Variants in TGIF2 observed in about 807,000 individuals in gnomAD.
TGIF2 encodes the protein homeobox protein TGIF2.
Under a neutral mutation model 15.1 loss-of-function variants are expected in TGIF2, and 5 were observed. The observed-to-expected ratio is 0.33, with a 90% CI of 0.17 to 0.70. TGIF2 has a LOEUF of 0.70. TGIF2 is among the 30% of genes least tolerant of loss of function. The pLI, the probability that TGIF2 is intolerant of heterozygous loss-of-function variation, is 0.67. For missense variants in TGIF2, 264 were observed against 302.5 expected (o/e 0.87, Z 0.94); for synonymous variants, 131 against 128.9 (o/e 1.02, Z -0.11).
chr20:36,585,606 G>T (rs1478988342), intron 2 of TGIF2, among the ~76,000 whole-genome samples: 1 of 151,678 alleles, frequency 6.6e-6, no homozygotes, highest in African/African-American at 2.4e-5. Context: ...TCTTTTGATT[G>T]TCTCCTTTAA....
At chr20:36,586,028 G>T (rs1418102495) in intron 2 of TGIF2, among the ~76,000 whole-genome samples, 1 of 152,194 alleles carries the variant, frequency 6.6e-6, no homozygotes, top group Non-Finnish European at 1.5e-5. Flanking sequence ...AAGGAACCTG[G>T]TGCAGAGGCT....
chr20:36,578,722 C>A lies in TGIF2; in HGVS notation c.-34-19C>A. ...GTACGTGCTAATGATGTTCCCATCC[C>A]CTGTGTCCCTTGTCCCAGGTTTACC... On this transcript the variant is annotated intron_variant, in intron 1 of 2. Coordinates refer to ENST00000373872, the MANE Select transcript of TGIF2 (RefSeq NM_021809.7). 1 of 1,559,878 alleles carries A rather than the reference C, an allele frequency of 6.4e-7. No homozygotes were observed. Among genetic ancestry groups the A allele is most frequent in the South Asian group, 1.2e-5 (1 of 82,266 alleles).
At chr20:36,583,623 G>A (rs907812057) in intron 2 of TGIF2, among the ~76,000 whole-genome samples, 37 of 150,520 alleles carry the variant, frequency 2.5e-4, no homozygotes, top group Non-Finnish European at 4.3e-4. Flanking sequence ...TAGGCTGGGC[G>A]CAGTGGCTCA....
Position 36,573,635 on chromosome 20 carries a change from G to A in TGIF2, c.-145G>A, listed in dbSNP as rs1311643225. On this transcript the variant is annotated 5_prime_UTR_variant, in exon 1 of 3. Coordinates refer to ENST00000373872, the MANE Select transcript of TGIF2 (RefSeq NM_021809.7). ...CTTTCCAGCCGCGAGCTGTCAGGCCGAGTGTCAGGCCGGGCAGGTACGCGG... is the reference window on the plus strand; with the variant it reads ...CTTTCCAGCCGCGAGCTGTCAGGCCAAGTGTCAGGCCGGGCAGGTACGCGG... The A allele has an allele frequency of 6.6e-6, 1 of 151,436 alleles. No individual in the cohort carries two copies. Among genetic ancestry groups the A allele is most frequent in the Non-Finnish European group, 1.5e-5 (1 of 67,846 alleles). 9.4% of individuals were successfully genotyped at this position (151,436 alleles called of 1,614,324 possible).
Position 36,585,898 on chromosome 20 carries a change from C to A in TGIF2, c.193-5012C>A, listed in dbSNP as rs575615451. Among the ~76,000 whole-genome samples, 83 of 152,266 alleles carry A rather than the reference C, an allele frequency of 5.5e-4. 1 individual carries two copies. The highest frequency in any genetic ancestry group is 1.9e-3 in the African/African-American group (79 of 41,562). ...GGGTATACAGTGGTAGAATGGGTAC[C>A]TTCCCATTACTTCCTGGCTGTCAGG... On this transcript the variant is annotated intron_variant, in intron 2 of 2. Coordinates refer to ENST00000373872, the MANE Select transcript of TGIF2 (RefSeq NM_021809.7).
At chr20:36,578,668 T>C in intron 1 of TGIF2, 73 bp from the exon 2 acceptor site, 2 of 1,463,864 alleles carry the variant, frequency 1.4e-6, no homozygotes, top group East Asian at 2.3e-5. Flanking sequence ...CAAGTAATGC[T>C]GAGCATGTTT....
At position 36,573,666 on chromosome 20, in the gene TGIF2, GC is replaced by G. The variant is rs1371156362; in HGVS notation, c.-109del. 1 of 151,676 alleles carries G rather than the reference GC, an allele frequency of 6.6e-6. No homozygotes were observed. Among genetic ancestry groups the G allele is most frequent in the Non-Finnish European group, 1.5e-5 (1 of 67,902 alleles). 9.4% of individuals were successfully genotyped at this position (151,676 alleles called of 1,614,324 possible). A position where few individuals can be genotyped will look rare whatever the true frequency, so the allele number is the denominator to read the frequency against. On this transcript the variant is annotated 5_prime_UTR_variant, in exon 1 of 3. Transcript: ENST00000373872. ...CAGGCCGGGCAGGTACGCGGCGCGC[GC>G]CCCCGGCGCCCCCCGCTCCCCGCCG...
intron 2 of TGIF2, among the ~76,000 whole-genome samples, chr20:36,583,751 A>G (rs1374296760): frequency 6.6e-6 from 1 of 151,934 alleles, no homozygotes; most frequent in Non-Finnish European, 1.5e-5. Flanking sequence ...ACAAAAATTA[A>G]CCAGGTGTGG....
chr20:36,573,872 C>G (rs2038353093), intron 1 of TGIF2, 127 bp downstream of exon 1: 1 of 150,076 alleles, frequency 6.7e-6, no homozygotes, highest in Admixed American at 6.6e-5. Flanking sequence ...GGTGTGTGAG[C>G]TCGGGGGTGT....
intron 2 of TGIF2, 61 bp downstream of exon 2, chr20:36,579,027 C>G: frequency 6.4e-7 from 1 of 1,561,376 alleles, no homozygotes; most frequent in Admixed American, 1.8e-5. Flanking sequence ...CCTATTCCAG[C>G]TGTGTCACTG....
At chr20:36,588,167 G>A (rs545102005) in intron 2 of TGIF2, among the ~76,000 whole-genome samples, 10 of 151,678 alleles carry the variant, frequency 6.6e-5, no homozygotes, top group Non-Finnish European at 1.2e-4. Context: ...ATGTGTGACT[G>A]GACAAGAGCT....
At position 36,593,558 on chromosome 20, in the gene TGIF2, T is replaced by C. The variant is rs576957273; in HGVS notation, c.*2127T>C. ...CCTCCTGAGGCCCAGTGGGGAAGAA[T>C]GAACATGGCTTCATCCAGGTTAACT... On this transcript the variant is annotated 3_prime_UTR_variant, in exon 3 of 3. Transcript: ENST00000373872. The C allele has an allele frequency of 6.5e-6, 1 of 152,750 alleles. No individual in the cohort carries two copies. The highest frequency in any genetic ancestry group is 1.9e-4 in the East Asian group (1 of 5,184). The allele number at this position is 152,750 out of a possible 1,614,324, so 9.5% of individuals were successfully genotyped here. A position where few individuals can be genotyped will look rare whatever the true frequency, so the allele number is the denominator to read the frequency against.
chr20:36,591,541 A>T lies in TGIF2; in HGVS notation c.*110A>T. The T allele has an allele frequency of 8.0e-7, 1 of 1,255,684 alleles. No homozygotes were observed. 77.8% of individuals were successfully genotyped at this position (1,255,684 alleles called of 1,614,324 possible). A position where few individuals can be genotyped will look rare whatever the true frequency, so the allele number is the denominator to read the frequency against. On this transcript the variant is annotated 3_prime_UTR_variant, in exon 3 of 3. Transcript: ENST00000373872. The surrounding 1 kb of genome is among the most constrained non-coding windows in gnomAD (Gnocchi z 5.3). ...TGGATCACTGCCAAACATTGGGATC[A>T]TCTCCTCTGTCCAGAGGTCTTCAAC... is the stretch of plus-strand genomic sequence containing the variant.
intron 2 of TGIF2, among the ~76,000 whole-genome samples, chr20:36,584,440 T>C (rs921508947): frequency 1.3e-5 from 2 of 151,982 alleles, no homozygotes; most frequent in East Asian, 3.8e-4. Flanking sequence ...GGCTATAAAG[T>C]GGTGGAAGGG....
In TGIF2 at chr20:36,578,850, C is replaced by T. The variant is rs2038485798; in HGVS notation, c.76C>T (p.Pro26Ser). Residue 26 changes from proline (P) to serine (S), a missense_variant, in exon 2 of 3, where the codon CCC becomes TCC. Physicochemically the swap from Pro to Ser is moderately conservative, Grantham distance 74. Transcript: ENST00000373872. Reference sequence around the variant, plus strand: ...CAAAAGGAAGCGCAGGGGGAACCTGCCCAAGGAGTCGGTGAAGATCCTCCG... The same window carrying T: ...CAAAAGGAAGCGCAGGGGGAACCTGTCCAAGGAGTCGGTGAAGATCCTCCG... ...AGKRKRRGNL[P>S]KESVKILRDW... The T allele has an allele frequency of 6.2e-7, 1 of 1,614,072 alleles. No homozygotes were observed. Among genetic ancestry groups the T allele is most frequent in the Non-Finnish European group, 8.5e-7 (1 of 1,180,048 alleles).
intron 1 of TGIF2, among the ~76,000 whole-genome samples, chr20:36,577,775 A>G (rs545123186): frequency 1.1e-4 from 17 of 152,012 alleles, no homozygotes; most frequent in Non-Finnish European, 2.5e-4. Context: ...CGGCCTCCCA[A>G]AGTGCTAGGA....
At chr20:36,575,518 C>A (rs1375503493) in intron 1 of TGIF2, among the ~76,000 whole-genome samples, 1 of 152,172 alleles carries the variant, frequency 6.6e-6, no homozygotes, top group Non-Finnish European at 1.5e-5. Flanking sequence ...CTAGAAATGG[C>A]TGTCTGACCT....
At chr20:36,581,776 A>G (rs568020005) in intron 2 of TGIF2, among the ~76,000 whole-genome samples, 8 of 152,090 alleles carry the variant, frequency 5.3e-5, no homozygotes, top group African/African-American at 1.9e-4. Context: ...TTACAGGTGC[A>G]TGCCCCTACG....
intron 2 of TGIF2, among the ~76,000 whole-genome samples, chr20:36,586,968 C>A (rs2038672754): frequency 6.6e-6 from 1 of 152,210 alleles, no homozygotes; most frequent in African/African-American, 2.4e-5. Flanking sequence ...TCAGCAGCCT[C>A]TCAGATAGAG....
Sources: gnomAD v4.1 joint callset for allele counts (sites outside exome capture counted in the v4.1 genomes callset) on GRCh38, gnomAD v4.1.1 for gene constraint, Gnocchi (gnomAD v3.1) non-coding constraint, MANE v1.5 for transcripts, NCBI Gene and HGNC (gene_info 2026-07-23, HGNC 2026-07-21) for gene names.